DLGAP4: variants seen among roughly 807,000 people sequenced by gnomAD.
DLGAP4 encodes disks large-associated protein 4.
Under a neutral mutation model 86.9 loss-of-function variants are expected in DLGAP4, and 18 were observed. The observed-to-expected ratio is 0.21, with a 90% CI of 0.14 to 0.31. The LOEUF (loss-of-function observed/expected upper bound fraction) is 0.31. Ranked by LOEUF, DLGAP4 falls within the 10% of genes least tolerant of loss-of-function variation. The pLI is 1.00. For missense variants in DLGAP4, 1,085 were observed against 1,362.6 expected, an observed-to-expected ratio of 0.80 and a Z score of 3.21; for synonymous variants, 548 against 574.3, an observed-to-expected ratio of 0.95 and a Z score of 0.65.
chr20:36,510,636 C>A (rs1379015906), intron 10 of DLGAP4, among the ~76,000 whole-genome samples: 8 of 152,072 alleles, frequency 5.3e-5, no homozygotes. Flanking sequence ...GTTTGGAATT[C>A]CTGACCTCAA....
At chr20:36,352,819 T>G (rs782663041) in intron 1 of DLGAP4, among the ~76,000 whole-genome samples, 1 of 150,982 alleles carries the variant, frequency 6.6e-6, no homozygotes, top group Non-Finnish European at 1.5e-5. Flanking sequence ...TGGGGTCTCT[T>G]CAGGCAGGGA....
chr20:36,513,440 C>G (rs188749398), intron 10 of DLGAP4, among the ~76,000 whole-genome samples: 9 of 147,092 alleles, frequency 6.1e-5, no homozygotes, highest in African/African-American at 1.0e-4. Flanking sequence ...CCCAGCTACT[C>G]GGGAGGCTGA....
intron 7 of DLGAP4, among the ~76,000 whole-genome samples, chr20:36,454,730 A>G (rs1167856453): frequency 6.6e-6 from 1 of 152,190 alleles, no homozygotes; most frequent in African/African-American, 2.4e-5. Context: ...GCATCTGTGC[A>G]CTCAGGTCCT....
intron 8 of DLGAP4, chr20:36,499,355 C>T: frequency 6.3e-7 from 1 of 1,599,748 alleles, no homozygotes; most frequent in Non-Finnish European, 8.5e-7. Flanking sequence ...CCCCATCCCA[C>T]CTCCCGCCCA....
At position 36,376,985 on chromosome 20, in the gene DLGAP4, C is replaced by G. The variant is rs931810506; in HGVS notation, c.-73+9710C>G. Among the ~76,000 whole-genome samples, 3 of 152,134 alleles carry G rather than the reference C, an allele frequency of 2.0e-5. No homozygotes were observed. In the East Asian group the frequency reaches 5.8e-4, roughly 29 times the overall value. On this transcript the variant is annotated intron_variant, in intron 2 of 12. Coordinates refer to ENST00000339266, the MANE Select transcript of DLGAP4 (RefSeq NM_001365621.2). ...CCAGGGGCAGAGGTGGGTGAGAGAGCTGGCTGGCACTGGAGCTCCAGATCG... is the reference window on the plus strand; with the variant it reads ...CCAGGGGCAGAGGTGGGTGAGAGAGGTGGCTGGCACTGGAGCTCCAGATCG...
chr20:36,470,070 C>T (rs950221473), intron 7 of DLGAP4, among the ~76,000 whole-genome samples: 1 of 152,144 alleles, frequency 6.6e-6, no homozygotes, highest in Non-Finnish European at 1.5e-5. Context: ...CAGCCCCTTC[C>T]TTTCCCATGA....
At chr20:36,476,535 G>T (rs1258924982) in intron 7 of DLGAP4, among the ~76,000 whole-genome samples, 1 of 150,638 alleles carries the variant, frequency 6.6e-6, no homozygotes, top group African/African-American at 2.4e-5. Flanking sequence ...CACCATGTTG[G>T]TCAGGCTGGT....
chr20:36,512,199 C>T (rs953802089), intron 10 of DLGAP4, among the ~76,000 whole-genome samples: 4 of 151,518 alleles, frequency 2.6e-5, no homozygotes, highest in Admixed American at 6.6e-5. Context: ...TACAGGTGCC[C>T]ACCACCTCGC....
At chr20:36,398,525 C>T (rs972177107) in intron 2 of DLGAP4, among the ~76,000 whole-genome samples, 10 of 152,200 alleles carry the variant, frequency 6.6e-5, no homozygotes, top group African/African-American at 2.4e-4. Context: ...CTAACACAGC[C>T]GTAGAGAAGA....
At chr20:36,387,545 G>T (rs2031640944) in intron 2 of DLGAP4, among the ~76,000 whole-genome samples, 1 of 151,932 alleles carries the variant, frequency 6.6e-6, no homozygotes, top group East Asian at 1.9e-4. Flanking sequence ...TTATTTCTTT[G>T]CAACTTCTTT....
At chr20:36,396,427 CAT>C (rs2031975760) in intron 2 of DLGAP4, among the ~76,000 whole-genome samples, 2 of 42,880 alleles carry the variant, frequency 4.7e-5, no homozygotes, top group East Asian at 8.0e-4. Flanking sequence ...ACACACACCA[CAT>C]ACACACACCC....
chr20:36,438,971 C>T (rs2033369500), intron 4 of DLGAP4, among the ~76,000 whole-genome samples: 1 of 152,112 alleles, frequency 6.6e-6, no homozygotes, highest in Non-Finnish European at 1.5e-5. Flanking sequence ...TCTAAGACCC[C>T]TTCTAGTACG....
Position 36,431,790 on chromosome 20 carries a change from G to T in DLGAP4, c.73G>T (p.Ala25Ser). Reference protein sequence around the residue: ...SLDPPHEPLFAGTDRNPYLLS... With the variant: ...SLDPPHEPLFSGTDRNPYLLS... ...AGACCCACCCCACGAGCCCCTGTTT[G>T]CAGGGACCGACCGCAACCCCTACCT... Residue 25 changes from alanine to serine, a missense_variant, in exon 3 of 13, where the codon GCA (alanine) becomes TCA (serine). This residue lies in a region of DLGAP4 where 1,082 missense variants were observed against 1,344.1 expected (regional missense o/e 0.81). Coordinates refer to ENST00000339266, the MANE Select transcript of DLGAP4 (RefSeq NM_001365621.2). The surrounding 1 kb of genome is among the most constrained non-coding windows in gnomAD (Gnocchi z 5.1). 2 of 1,613,482 alleles carry T rather than the reference G, an allele frequency of 1.2e-6. No individual in the cohort carries two copies. The highest frequency in any genetic ancestry group is 2.2e-5 in the East Asian group (1 of 44,858).
chr20:36,370,761 A>G (rs995363740), intron 2 of DLGAP4, among the ~76,000 whole-genome samples: 2 of 152,238 alleles, frequency 1.3e-5, no homozygotes, highest in Non-Finnish European at 2.9e-5. Flanking sequence ...TTGAGGCTGC[A>G]ATGAAGTATG....
At chr20:36,441,003 G>T (rs60017680) in intron 5 of DLGAP4, among the ~76,000 whole-genome samples, 2 of 151,968 alleles carry the variant, frequency 1.3e-5, no homozygotes, top group African/African-American at 4.8e-5. Context: ...GTAGAGTGCC[G>T]CAGCCCAGGG....
intron 7 of DLGAP4, among the ~76,000 whole-genome samples, chr20:36,473,419 A>G (rs756879370): frequency 1.3e-5 from 2 of 152,052 alleles, no homozygotes; most frequent in African/African-American, 4.8e-5. Flanking sequence ...AGCTCCTTCT[A>G]TCTCTGCTAT....
intron 10 of DLGAP4, among the ~76,000 whole-genome samples, chr20:36,506,978 G>T (rs952546441): frequency 6.6e-6 from 1 of 152,216 alleles, no homozygotes; most frequent in Admixed American, 6.5e-5. Flanking sequence ...TTCATCCATA[G>T]CATGTGTCAC....
intron 10 of DLGAP4, among the ~76,000 whole-genome samples, chr20:36,510,337 C>G (rs1266401450): frequency 6.6e-6 from 1 of 152,062 alleles, no homozygotes; most frequent in African/African-American, 2.4e-5. Context: ...GATCTCAGCT[C>G]ACTGCAACCT....
At chr20:36,370,016 CAT>C (rs2030861374) in intron 2 of DLGAP4, among the ~76,000 whole-genome samples, 1 of 152,114 alleles carries the variant, frequency 6.6e-6, no homozygotes, top group Non-Finnish European at 1.5e-5. Context: ...ACTTAAGCCT[CAT>C]GTGCAAGGAT....
Sources: allele counts gnomAD v4.1 joint callset (sites outside exome capture counted in the v4.1 genomes callset), GRCh38; gene constraint gnomAD v4.1.1; regional missense constraint gnomAD v4.1.1; non-coding constraint Gnocchi (gnomAD v3.1); transcripts MANE v1.5; gene names NCBI Gene and HGNC (gene_info 2026-07-23, HGNC 2026-07-21).